Variants in RBPJ observed in about 807,000 individuals in gnomAD.
The protein encoded by RBPJ is recombination signal binding protein for immunoglobulin kappa J region, also known as recombining binding protein suppressor of hairless.
Under a neutral mutation model 67.8 loss-of-function variants are expected in RBPJ, and 9 were observed. That is an observed-to-expected ratio of 0.13 (90% confidence interval 0.08 to 0.23). The LOEUF is 0.23. Ranked by LOEUF, RBPJ falls within the 10% of genes least tolerant of loss-of-function variation. The pLI is 1.00. For missense variants in RBPJ, 305 were observed against 595.6 expected (o/e 0.51, Z 5.08); for synonymous variants, 198 against 203.3 (o/e 0.97, Z 0.22).
chr4:26,305,771 CTTTTTTTTTTT>C (rs71276617), intron 1 of RBPJ, among the ~76,000 whole-genome samples: 4 of 67,758 alleles, frequency 5.9e-5, no homozygotes, highest in Non-Finnish European at 9.9e-5. Flanking sequence ...ATTTTCTTTT[CTTTTTTTTTTT>C]TTTTTTTTTT....
Position 26,431,051 on chromosome 4 carries a change from A to C in RBPJ, c.*44A>C. Reference sequence around the variant, plus strand: ...GACTTAAACTGACTTGAGTGTGGCAAAAAGTTAACAAAAAAGGAGAAAAAA... The same window carrying C: ...GACTTAAACTGACTTGAGTGTGGCACAAAGTTAACAAAAAAGGAGAAAAAA... On this transcript the variant is annotated 3_prime_UTR_variant, in exon 11 of 11. Coordinates refer to ENST00000355476, the MANE Select transcript of RBPJ (RefSeq NM_015874.6). 2 of 1,533,492 alleles carry C rather than the reference A, an allele frequency of 1.3e-6. No individual in the cohort carries two copies. The highest frequency in any genetic ancestry group is 1.8e-6 in the Non-Finnish European group (2 of 1,119,122). The allele number at this position is 1,533,492 out of a possible 1,614,324, so 95.0% of individuals were successfully genotyped here. A position where few individuals can be genotyped will look rare whatever the true frequency, so the allele number is the denominator to read the frequency against.
chr4:26,373,919 T>A (rs1054087195), intron 1 of RBPJ, among the ~76,000 whole-genome samples: 1 of 144,494 alleles, frequency 6.9e-6, no homozygotes, highest in Non-Finnish European at 1.5e-5. Flanking sequence ...TTTTTACTTT[T>A]TTTTTTTTTT....
intron 3 of RBPJ, among the ~76,000 whole-genome samples, chr4:26,409,768 G>A (rs1733838682): frequency 6.6e-6 from 1 of 152,106 alleles, no homozygotes; most frequent in South Asian, 2.1e-4. Context: ...AAAGTGCTGG[G>A]ATTACGGGCG....
chr4:26,129,813 G>A, the RBPJ span, among the ~76,000 whole-genome samples: 1 of 151,936 alleles, frequency 6.6e-6, no homozygotes, highest in African/African-American at 2.4e-5. Flanking sequence ...GACATCACCT[G>A]AATTTTTTTT....
intron 2 of RBPJ, among the ~76,000 whole-genome samples, chr4:26,387,511 AC>A (rs1164870335): frequency 6.6e-6 from 1 of 152,216 alleles, no homozygotes; most frequent in East Asian, 1.9e-4. Flanking sequence ...AAAAACCTGG[AC>A]AAAATATGTA....
intron 2 of RBPJ, among the ~76,000 whole-genome samples, chr4:26,402,626 T>C (rs1361971892): frequency 2.6e-5 from 4 of 152,228 alleles, no homozygotes; most frequent in Non-Finnish European, 5.9e-5. Flanking sequence ...TGCTCCCTTC[T>C]TTCGAGGTTG....
chr4:26,284,288 T>G (rs1377331349), intron 1 of RBPJ, among the ~76,000 whole-genome samples: 1 of 152,180 alleles, frequency 6.6e-6, no homozygotes, highest in Non-Finnish European at 1.5e-5. Context: ...CTTTGTTGCA[T>G]TTTTAAAGGT....
At chr4:26,296,083 C>T (rs1412899748) in intron 1 of RBPJ, among the ~76,000 whole-genome samples, 1 of 152,142 alleles carries the variant, frequency 6.6e-6, no homozygotes, top group Non-Finnish European at 1.5e-5. Context: ...GAATGTCTTT[C>T]CTTTGGGCCT....
At chr4:26,187,304 T>G (rs1021608270) in intron 1 of RBPJ, among the ~76,000 whole-genome samples, 1 of 152,254 alleles carries the variant, frequency 6.6e-6, no homozygotes, top group African/African-American at 2.4e-5. Flanking sequence ...TGTATCTCTT[T>G]GAACTGTTAT....
At chr4:26,294,646 G>A (rs576570811) in intron 1 of RBPJ, among the ~76,000 whole-genome samples, 1 of 152,098 alleles carries the variant, frequency 6.6e-6, no homozygotes, top group East Asian at 1.9e-4. Flanking sequence ...TTGGGAGGTC[G>A]AGGTGGGTGA....
At chr4:26,185,628 T>G (rs183771097) in intron 1 of RBPJ, among the ~76,000 whole-genome samples, 10 of 152,334 alleles carry the variant, frequency 6.6e-5, no homozygotes, top group Admixed American at 1.3e-4. Context: ...TGTATGGTGA[T>G]TCATAGGCTG....
At chr4:26,138,241 C>A in the RBPJ span, among the ~76,000 whole-genome samples, 1 of 152,126 alleles carries the variant, frequency 6.6e-6, no homozygotes, top group Non-Finnish European at 1.5e-5. Context: ...TTGGCTCATG[C>A]AAATAAATAC....
At chr4:26,384,093 C>T (rs1730575707) in intron 1 of RBPJ, 1 of 152,074 alleles carries the variant, frequency 6.6e-6, no homozygotes. Flanking sequence ...AACAATCCAC[C>T]CACCTTGGGC....
intron 1 of RBPJ, among the ~76,000 whole-genome samples, chr4:26,334,000 A>T (rs1429956747): frequency 3.3e-5 from 5 of 151,638 alleles, no homozygotes; most frequent in African/African-American, 1.2e-4. Context: ...TTGTCAGGGC[A>T]TCCCTGGGAT....
the RBPJ span, chr4:26,113,249 TG>T: frequency 3.1e-6 from 1 of 323,192 alleles, no homozygotes. Flanking sequence ...ACAATGAAAA[TG>T]GGAATAATTT....
intron 1 of RBPJ, among the ~76,000 whole-genome samples, chr4:26,233,671 C>G (rs112382830): frequency 0.01 from 1,544 of 152,230 alleles, 17 homozygotes; most frequent in Non-Finnish European, 0.015. Flanking sequence ...AAAATCAGAG[C>G]AAATAAAACA....
intron 1 of RBPJ, among the ~76,000 whole-genome samples, chr4:26,244,746 T>A (rs1202451757): frequency 6.6e-6 from 1 of 151,864 alleles, no homozygotes; most frequent in Non-Finnish European, 1.5e-5. Context: ...TGCCTCAGCT[T>A]CCTGAGTAGC....
intron 3 of RBPJ, among the ~76,000 whole-genome samples, chr4:26,412,045 G>A (rs1433227072): frequency 2.0e-5 from 3 of 151,248 alleles, no homozygotes; most frequent in Non-Finnish European, 4.4e-5. Context: ...AACCTGGGAG[G>A]TGGAGCTTTC....
the RBPJ span, among the ~76,000 whole-genome samples, chr4:26,110,868 GTC>G: frequency 6.6e-6 from 1 of 152,204 alleles, no homozygotes; most frequent in Non-Finnish European, 1.5e-5. This position sits in a 1 kb window ranked among gnomAD's most constrained non-coding sequence, Gnocchi z 4.5. Flanking sequence ...TCTCAGGACA[GTC>G]TCTCTGGTGA....
Sources: gnomAD v4.1 joint callset for allele counts (sites outside exome capture counted in the v4.1 genomes callset) on GRCh38, gnomAD v4.1.1 for gene constraint, Gnocchi (gnomAD v3.1) non-coding constraint, MANE v1.5 for transcripts, NCBI Gene and HGNC (gene_info 2026-07-23, HGNC 2026-07-21) for gene names.